The following SPACA7 variants were observed in gnomAD, a reference collection of about 807,000 sequenced individuals.
SPACA7 encodes the protein sperm acrosome associated 7, also known as sperm acrosome-associated protein 7.
Under a neutral mutation model 26.3 loss-of-function variants are expected in SPACA7, and 19 were observed. The observed-to-expected ratio is 0.72, with a 90% CI of 0.50 to 1.06. SPACA7 has a LOEUF of 1.06. Among genes scored for constraint, SPACA7 ranks in the 50% least tolerant of loss-of-function variants. The pLI, the probability that SPACA7 is intolerant of heterozygous loss-of-function variation, is 0.00. For missense variants in SPACA7, 211 were observed against 229.9 expected (o/e 0.92, Z 0.53); for synonymous variants, 84 against 84.5 (o/e 0.99, Z 0.04).
At chr13:112,406,007 G>A (rs981707565) in intron 5 of SPACA7, among the ~76,000 whole-genome samples, 1 of 152,024 alleles carries the variant, frequency 6.6e-6, no homozygotes, top group Admixed American at 6.6e-5. Context: ...GATATATTTT[G>A]TCCATTCTTT....
intron 5 of SPACA7, among the ~76,000 whole-genome samples, chr13:112,430,164 A>ATC (rs143626008): frequency 2.5e-4 from 34 of 138,166 alleles, no homozygotes; most frequent in Admixed American, 1.5e-3. Flanking sequence ...CATCCCTTGC[A>ATC]TCTCTCTCTC....
At chr13:112,433,693 C>T (rs59672101) in intron 6 of SPACA7, among the ~76,000 whole-genome samples, 7,053 of 148,404 alleles carry the variant, frequency 0.048, 18 homozygotes, top group African/African-American at 0.16. Context: ...GTGGGGCCCC[C>T]AGCCCCCCAA....
At chr13:112,383,040 G>A (rs1399661664) in intron 1 of SPACA7, among the ~76,000 whole-genome samples, 3 of 144,636 alleles carry the variant, frequency 2.1e-5, no homozygotes, top group Non-Finnish European at 4.6e-5. Context: ...GAGAGAGAGA[G>A]AAAGACAGAA....
chr13:112,381,511 A>G lies in SPACA7; in HGVS notation c.94+5032A>G, dbSNP rs971946153. Among the ~76,000 whole-genome samples, 172 of 148,804 alleles carry G rather than the reference A, an allele frequency of 1.2e-3. 1 individual carries two copies. The highest frequency in any genetic ancestry group is 4.1e-3 in the African/African-American group (165 of 39,866). Reference sequence around the variant, plus strand: ...CTGTCCCCCAAAAAAAAAAAAAAAAATGCAGACACGCTATTGTAACTGCCC... The same window carrying G: ...CTGTCCCCCAAAAAAAAAAAAAAAAGTGCAGACACGCTATTGTAACTGCCC... On this transcript the variant is annotated intron_variant, in intron 1 of 6. Coordinates refer to ENST00000283550, the MANE Select transcript of SPACA7 (RefSeq NM_145248.5).
chr13:112,430,456 A>G (rs556962667), intron 5 of SPACA7, among the ~76,000 whole-genome samples: 29 of 152,258 alleles, frequency 1.9e-4, no homozygotes, highest in African/African-American at 7.0e-4. Flanking sequence ...TTTTTAATTA[A>G]ATTGGGAGGA....
intron 5 of SPACA7, among the ~76,000 whole-genome samples, chr13:112,420,091 C>T (rs1395955757): frequency 6.6e-6 from 1 of 152,186 alleles, no homozygotes; most frequent in African/African-American, 2.4e-5. Flanking sequence ...AACCCCCATG[C>T]TAATGGCATG....
At chr13:112,430,168 C>CTGTGTGTGTG (rs1471577074) in intron 5 of SPACA7, among the ~76,000 whole-genome samples, 1,827 of 115,654 alleles carry the variant, frequency 0.016, 12 homozygotes, top group Middle Eastern at 0.037. Context: ...CCTTGCATCT[C>CTGTGTGTGTG]TCTCTCTGTG....
At chr13:112,427,080 G>A (rs1350807515) in intron 5 of SPACA7, among the ~76,000 whole-genome samples, 1 of 152,160 alleles carries the variant, frequency 6.6e-6, no homozygotes, top group East Asian at 1.9e-4. Flanking sequence ...TGAGAGTTTT[G>A]TTCATAAATG....
At chr13:112,386,715 T>C (rs183049525) in intron 1 of SPACA7, among the ~76,000 whole-genome samples, 7 of 152,194 alleles carry the variant, frequency 4.6e-5, no homozygotes, top group African/African-American at 1.7e-4. Flanking sequence ...GCCTTTTAAA[T>C]ACATCTATAC....
chr13:112,389,329 T>C (rs1468181212), intron 1 of SPACA7, among the ~76,000 whole-genome samples: 1 of 152,220 alleles, frequency 6.6e-6, no homozygotes, highest in Non-Finnish European at 1.5e-5. Context: ...CAAATAAAGC[T>C]ACCATCATCT....
intron 5 of SPACA7, among the ~76,000 whole-genome samples, chr13:112,424,321 C>A (rs1383148241): frequency 6.6e-6 from 1 of 152,210 alleles, no homozygotes; most frequent in Non-Finnish European, 1.5e-5. Flanking sequence ...TTAGCCTTCT[C>A]ATCACACTGA....
intron 1 of SPACA7, among the ~76,000 whole-genome samples, chr13:112,386,417 A>G (rs1253509218): frequency 6.6e-6 from 1 of 152,202 alleles, no homozygotes; most frequent in Non-Finnish European, 1.5e-5. Context: ...AACAGAACAT[A>G]GCCTTTTATT....
chr13:112,386,705 G>T (rs1249737502), intron 1 of SPACA7, among the ~76,000 whole-genome samples: 1 of 152,124 alleles, frequency 6.6e-6, no homozygotes, highest in East Asian at 1.9e-4. Context: ...AAACATAAAG[G>T]CCTTTTAAAT....
At chr13:112,395,036 TC>T (rs1374543689) in intron 2 of SPACA7, among the ~76,000 whole-genome samples, 1 of 152,202 alleles carries the variant, frequency 6.6e-6, no homozygotes, top group Admixed American at 6.5e-5. Context: ...GCCGAGACTC[TC>T]TGTCCAGAGC....
chr13:112,401,177 T>C lies in SPACA7; in HGVS notation c.445+13T>C, dbSNP rs1449491185. Reference sequence around the variant, plus strand: ...GTTTCCAGTAAAGGTAAATGTGCCCTGCCCACACTGAGAGCTCTGTGGGAG... The same window carrying C: ...GTTTCCAGTAAAGGTAAATGTGCCCCGCCCACACTGAGAGCTCTGTGGGAG... On this transcript the variant is annotated intron_variant, in intron 5 of 6. Coordinates refer to ENST00000283550, the MANE Select transcript of SPACA7 (RefSeq NM_145248.5). 1 of 1,600,608 alleles carries C rather than the reference T, an allele frequency of 6.2e-7. No homozygotes were observed. The highest frequency in any genetic ancestry group is 1.3e-5 in the African/African-American group (1 of 74,760).
chr13:112,415,873 T>C (rs1317487926), intron 5 of SPACA7, among the ~76,000 whole-genome samples: 2 of 151,998 alleles, frequency 1.3e-5, no homozygotes, highest in Non-Finnish European at 2.9e-5. Flanking sequence ...TGGCCTGGGG[T>C]GGGTCTAAAT....
chr13:112,426,709 AG>A (rs1366413674), intron 5 of SPACA7, among the ~76,000 whole-genome samples: 1 of 152,240 alleles, frequency 6.6e-6, no homozygotes, highest in Admixed American at 6.5e-5. Flanking sequence ...TAGTATACAT[AG>A]AAATATTATT....
At chr13:112,423,822 A>G (rs1876250181) in intron 5 of SPACA7, among the ~76,000 whole-genome samples, 1 of 152,248 alleles carries the variant, frequency 6.6e-6, no homozygotes, top group South Asian at 2.1e-4. Flanking sequence ...ACAAGTTAAG[A>G]TTTCTAAAAC....
intron 5 of SPACA7, 77 bp from the exon 6 acceptor site, chr13:112,432,367 T>C (rs960792608): frequency 5.6e-6 from 7 of 1,239,554 alleles, no homozygotes; most frequent in Non-Finnish European, 8.3e-6. Context: ...TACGGCTCCC[T>C]GAAGTTAAAG....
Sources: allele counts gnomAD v4.1 joint callset (sites outside exome capture counted in the v4.1 genomes callset), GRCh38; gene constraint gnomAD v4.1.1; transcripts MANE v1.5; gene names NCBI Gene and HGNC (gene_info 2026-07-23, HGNC 2026-07-21).